PTK2: variants seen among roughly 807,000 people sequenced by gnomAD.
The protein encoded by PTK2 is protein tyrosine kinase 2.
A neutral mutation model predicts 150.1 loss-of-function variants in PTK2; 45 were observed. The ratio of observed to expected loss-of-function variants is 0.30; its 90% CI spans 0.24 to 0.38. PTK2 has a LOEUF of 0.38. Among genes scored for constraint, PTK2 ranks in the 10% least tolerant of loss-of-function variants. PTK2 has a pLI of 1.00. For synonymous variants in PTK2, 432 were observed against 449.2 expected (o/e 0.96, Z 0.48); for missense variants, 919 against 1,307.3 (o/e 0.70, Z 4.58).
chr8:140,964,759 C>A (rs1569511285), intron 1 of PTK2, among the ~76,000 whole-genome samples: 1 of 151,968 alleles, frequency 6.6e-6, no homozygotes, highest in Admixed American at 6.6e-5. Flanking sequence ...ACAGTATATG[C>A]AAATGCAAAG....
intron 1 of PTK2, among the ~76,000 whole-genome samples, chr8:140,939,733 C>T (rs1448240762): frequency 6.6e-6 from 1 of 152,188 alleles, no homozygotes; most frequent in Non-Finnish European, 1.5e-5. Context: ...CACATTTATT[C>T]ACTTTATGGT....
intron 25 of PTK2, among the ~76,000 whole-genome samples, chr8:140,701,378 A>C (rs1462180970): frequency 6.6e-6 from 1 of 152,196 alleles, no homozygotes; most frequent in African/African-American, 2.4e-5. Flanking sequence ...TTAAATATTA[A>C]ATAAAAGAAC....
chr8:140,819,358 TG>T lies in PTK2; in HGVS notation c.649-339del, dbSNP rs1449940421. On this transcript the variant is annotated intron_variant, in intron 8 of 31. Transcript: ENST00000522684. ...GTATAAAGGTACTTGCACATTCCAC[TG>T]TTAGGAGGGAAAAAAACAGTATATC... Among the ~76,000 whole-genome samples, 3 of 152,168 alleles carry T rather than the reference TG, an allele frequency of 2.0e-5. No individual in the cohort carries two copies. In the East Asian group the frequency reaches 5.8e-4, roughly 29 times the overall value.
At chr8:140,993,967 C>T (rs551769690) in intron 1 of PTK2, among the ~76,000 whole-genome samples, 2 of 152,074 alleles carry the variant, frequency 1.3e-5, no homozygotes, top group South Asian at 4.1e-4. Flanking sequence ...TGGGCTCAAG[C>T]GATCTGTCCA....
chr8:140,758,363 C>T (rs1394604290), intron 16 of PTK2, among the ~76,000 whole-genome samples: 1 of 152,212 alleles, frequency 6.6e-6, no homozygotes, highest in Non-Finnish European at 1.5e-5. Context: ...GCTGAGATTA[C>T]AGTCATAAGC....
At chr8:140,670,480 A>C (rs1393888569) in intron 29 of PTK2, among the ~76,000 whole-genome samples, 42 of 47,346 alleles carry the variant, frequency 8.9e-4, no homozygotes, top group African/African-American at 2.5e-3. Context: ...AAAAAAAAAA[A>C]AAACAACAAC....
intron 24 of PTK2, among the ~76,000 whole-genome samples, chr8:140,703,798 C>T (rs1034564104): frequency 7.2e-5 from 11 of 152,196 alleles, no homozygotes; most frequent in Admixed American, 1.3e-4. Context: ...GGTTCCTTCT[C>T]TCAATCAAGA....
At chr8:140,855,666 T>C (rs1485291773) in intron 5 of PTK2, among the ~76,000 whole-genome samples, 1 of 151,728 alleles carries the variant, frequency 6.6e-6, no homozygotes. Context: ...TCAGAGAAAA[T>C]ACTAGCAAAA....
chr8:140,790,870 A>G (rs527570152), intron 13 of PTK2, among the ~76,000 whole-genome samples: 32 of 152,356 alleles, frequency 2.1e-4, no homozygotes, highest in South Asian at 6.2e-4. Flanking sequence ...CAGAGGACAC[A>G]CATTTTAAAT....
chr8:140,840,858 GAC>G (rs1387274340), intron 7 of PTK2, among the ~76,000 whole-genome samples: 3 of 152,038 alleles, frequency 2.0e-5, no homozygotes, highest in Non-Finnish European at 4.4e-5. Flanking sequence ...ATTTTTAAAA[GAC>G]ACACCTGAAA....
intron 1 of PTK2, among the ~76,000 whole-genome samples, chr8:140,986,263 A>C (rs896517142): frequency 2.6e-5 from 4 of 152,236 alleles, no homozygotes; most frequent in Non-Finnish European, 5.9e-5. Flanking sequence ...ACATGTGGCT[A>C]GCAGTTACCA....
At chr8:140,941,578 A>T (rs1342269259) in intron 1 of PTK2, among the ~76,000 whole-genome samples, 1 of 152,198 alleles carries the variant, frequency 6.6e-6, no homozygotes, top group Admixed American at 6.5e-5. Flanking sequence ...ATTAGAACAT[A>T]CAACTTTCTA....
chr8:140,679,646 A>C (rs1009464817), intron 27 of PTK2, among the ~76,000 whole-genome samples: 6 of 152,200 alleles, frequency 3.9e-5, no homozygotes, highest in African/African-American at 1.4e-4. Flanking sequence ...ACACTTACCT[A>C]ATAAGACAAC....
At chr8:141,000,232 G>T (rs1269283872) in intron 1 of PTK2, among the ~76,000 whole-genome samples, 1 of 152,152 alleles carries the variant, frequency 6.6e-6, no homozygotes, top group Admixed American at 6.5e-5. Context: ...GGCTGGGGGC[G>T]GGGAAGAGGA....
intron 2 of PTK2, among the ~76,000 whole-genome samples, chr8:140,918,182 G>A (rs773690384): frequency 6.6e-6 from 1 of 152,128 alleles, no homozygotes; most frequent in African/African-American, 2.4e-5. Flanking sequence ...AGGTATAAAC[G>A]CCTGAGAGGA....
intron 1 of PTK2, among the ~76,000 whole-genome samples, chr8:140,966,051 G>GCCT (rs5895652): frequency 0.42 from 63,328 of 151,820 alleles, 15,108 homozygotes; most frequent in Non-Finnish European, 0.55. Context: ...TGCCTTTCCT[G>GCCT]CCTTTCTATT....
chr8:140,843,641 G>C (rs982159277), intron 7 of PTK2, among the ~76,000 whole-genome samples: 1 of 152,012 alleles, frequency 6.6e-6, no homozygotes, highest in African/African-American at 2.4e-5. Context: ...GCCATCTATT[G>C]TACCTTCTTA....
In PTK2 at chr8:140,664,849, A is replaced by G; in HGVS notation, c.2946+68T>C. ...ACTGAGGAGCGGCCTTCAGCACCAC[A>G]GGCATCCCTGAATGTGTCCCTGCCC... On this transcript the variant is annotated intron_variant, in intron 31 of 31. Coordinates refer to ENST00000522684, the Ensembl canonical transcript of PTK2. The G allele has an allele frequency of 3.4e-6, 5 of 1,487,580 alleles. No individual in the cohort carries two copies. In the South Asian group the frequency reaches 4.7e-5, roughly 14 times the overall value. 92.1% of individuals were successfully genotyped at this position (1,487,580 alleles called of 1,614,324 possible).
intron 2 of PTK2, chr8:140,921,147 A>G: frequency 8.1e-7 from 1 of 1,238,144 alleles, no homozygotes; most frequent in Non-Finnish European, 1.0e-6. Flanking sequence ...AACACAGACC[A>G]TCCTGGCTAG....
Sources: allele counts gnomAD v4.1 joint callset (sites outside exome capture counted in the v4.1 genomes callset), GRCh38; gene constraint gnomAD v4.1.1; transcripts MANE v1.5; gene names NCBI Gene and HGNC (gene_info 2026-07-23, HGNC 2026-07-21).